Variants in LMTK2 observed in about 807,000 individuals in gnomAD.
LMTK2 encodes the protein lemur tail kinase 2, also known as serine/threonine-protein kinase LMTK2.
In LMTK2, 37 loss-of-function variants were observed where a neutral mutation model predicts 127.5. The observed-to-expected ratio is 0.29, with a 90% CI of 0.22 to 0.38. The LOEUF is 0.38. Among genes scored for constraint, LMTK2 ranks in the 10% least tolerant of loss-of-function variants. LMTK2 has a pLI of 1.00. For synonymous variants in LMTK2, 819 were observed against 810.1 expected (o/e 1.01, Z -0.19); for missense variants, 1,694 against 1,920.3 (o/e 0.88, Z 2.20).
At position 98,197,929 on chromosome 7, in the gene LMTK2, G is replaced by A. The variant is rs563576816; in HGVS notation, c.4107+3357G>A. On this transcript the variant is annotated intron_variant, in intron 11 of 13. Coordinates refer to ENST00000297293, the MANE Select transcript of LMTK2 (RefSeq NM_014916.4). ...TTGGTTTGGGTTTTGTTTGTTTGCTGGCACTGTCTTTGGTTTTGTTATCAG... is the reference window on the plus strand; with the variant it reads ...TTGGTTTGGGTTTTGTTTGTTTGCTAGCACTGTCTTTGGTTTTGTTATCAG... 2.0e-5 allele frequency among the ~76,000 whole-genome samples: 3 copies of A among 152,280 alleles called. No individual in the cohort carries two copies. The East Asian group carries it at 5.8e-4, about 29-fold the overall frequency.
chr7:98,160,053 C>T lies in LMTK2; in HGVS notation c.657+628C>T, dbSNP rs536920908. Among the ~76,000 whole-genome samples the T allele has an allele frequency of 2.0e-5, 3 of 152,280 alleles. No homozygotes were observed. In the South Asian group the frequency reaches 6.2e-4, roughly 32 times the overall value. On this transcript the variant is annotated intron_variant, in intron 6 of 13. Coordinates refer to ENST00000297293, the MANE Select transcript of LMTK2 (RefSeq NM_014916.4). ...ATTTCTATGTGAAATTTCCTCTAAACATCTTTTCCCGCATGCAGAATATTT... is the reference window on the plus strand; with the variant it reads ...ATTTCTATGTGAAATTTCCTCTAAATATCTTTTCCCGCATGCAGAATATTT...
chr7:98,148,503 AAAAAT>A (rs1375439389), intron 3 of LMTK2, among the ~76,000 whole-genome samples: 10 of 149,410 alleles, frequency 6.7e-5, no homozygotes, highest in African/African-American at 2.4e-4. Context: ...AAAAAAAAAA[AAAAAT>A]AATAATAATA....
At chr7:98,190,560 C>T (rs1035281111) in intron 9 of LMTK2, among the ~76,000 whole-genome samples, 168 bp from the exon 10 acceptor site, 11 of 152,026 alleles carry the variant, frequency 7.2e-5, no homozygotes, top group African/African-American at 2.7e-4. Context: ...CCAGCCTGGG[C>T]GACAGTGAGA....
At position 98,198,606 on chromosome 7, in the gene LMTK2, C is replaced by T. The variant is rs181278352; in HGVS notation, c.4107+4034C>T. Among the ~76,000 whole-genome samples the T allele has an allele frequency of 1.8e-4, 28 of 152,320 alleles. 1 individual carries two copies. Among genetic ancestry groups the T allele is most frequent in the Admixed American group, 1.6e-3 (24 of 15,302 alleles). On this transcript the variant is annotated intron_variant, in intron 11 of 13. Coordinates refer to ENST00000297293, the MANE Select transcript of LMTK2 (RefSeq NM_014916.4). ...CCAGGCTCAAGGGATTCTCCTGCCT[C>T]AGCCTCCTGAAGTAGCTGGGACCAC... is the stretch of plus-strand genomic sequence containing the variant.
At chr7:98,141,295 G>GA in intron 2 of LMTK2, 102 bp from the exon 3 acceptor site, 3 of 1,154,766 alleles carry the variant, frequency 2.6e-6, no homozygotes, top group Non-Finnish European at 2.5e-6. Flanking sequence ...GTACAAACTG[G>GA]AAAAAAATAA....
At chr7:98,187,804 C>T (rs920869009) in intron 9 of LMTK2, among the ~76,000 whole-genome samples, 4 of 152,024 alleles carry the variant, frequency 2.6e-5, no homozygotes, top group East Asian at 1.9e-4. Context: ...GGAGTTTTGC[C>T]ATGGCTGGTC....
At chr7:98,112,343 A>T (rs775907379) in intron 1 of LMTK2, among the ~76,000 whole-genome samples, 4 of 152,206 alleles carry the variant, frequency 2.6e-5, no homozygotes, top group Admixed American at 6.5e-5. Context: ...GGTTATAGGC[A>T]TGAGTCACTG....
At chr7:98,181,166 T>G (rs1797350901) in intron 7 of LMTK2, among the ~76,000 whole-genome samples, 2 of 152,222 alleles carry the variant, frequency 1.3e-5, no homozygotes, top group Non-Finnish European at 2.9e-5. Flanking sequence ...CTCTTCAACT[T>G]CTGTTTGCAA....
chr7:98,198,285 C>T (rs936662466), intron 11 of LMTK2, among the ~76,000 whole-genome samples: 3 of 151,626 alleles, frequency 2.0e-5, no homozygotes, highest in Non-Finnish European at 4.4e-5. Flanking sequence ...CCGCCTCCCG[C>T]GTTCAAGCAA....
intron 3 of LMTK2, among the ~76,000 whole-genome samples, chr7:98,150,715 T>C (rs998038414): frequency 1.3e-5 from 2 of 152,234 alleles, no homozygotes; most frequent in African/African-American, 4.8e-5. Flanking sequence ...CAGATCTTGA[T>C]TGAATTTTAA....
intron 3 of LMTK2, among the ~76,000 whole-genome samples, chr7:98,146,501 C>T (rs1291042510): frequency 2.0e-5 from 3 of 151,138 alleles, no homozygotes; most frequent in Non-Finnish European, 2.9e-5. Flanking sequence ...TTTTGATGTA[C>T]CATTTTGATT....
At chr7:98,140,865 T>C (rs570221006) in intron 2 of LMTK2, among the ~76,000 whole-genome samples, 1 of 147,864 alleles carries the variant, frequency 6.8e-6, no homozygotes, top group Admixed American at 6.8e-5. Flanking sequence ...CTGGGCAACA[T>C]AGGGAGACTC....
intron 9 of LMTK2, 110 bp from the exon 10 acceptor site, chr7:98,190,618 C>CT: frequency 1.0e-6 from 1 of 1,001,052 alleles, no homozygotes; most frequent in South Asian, 1.5e-5. Flanking sequence ...TATTAATAAT[C>CT]TTTTCAATAC....
intron 1 of LMTK2, among the ~76,000 whole-genome samples, chr7:98,120,901 T>A (rs1796351526): frequency 6.6e-6 from 1 of 152,184 alleles, no homozygotes; most frequent in Admixed American, 6.5e-5. Context: ...AGCAGTACAA[T>A]TCGGGAATCT....
intron 6 of LMTK2, among the ~76,000 whole-genome samples, chr7:98,169,720 TA>T (rs1797156651): frequency 6.6e-6 from 1 of 152,204 alleles, no homozygotes; most frequent in Non-Finnish European, 1.5e-5. Context: ...TGGGTGAATT[TA>T]ATTGTCTTCT....
Position 98,192,565 on chromosome 7 carries a change from C to T in LMTK2, c.2100C>T (p.Cys700=), listed in dbSNP as rs559542234. The T allele has an allele frequency of 1.4e-5, 22 of 1,613,216 alleles. No individual in the cohort carries two copies. The African/African-American group carries it at 1.5e-4, about 11-fold the overall frequency. ...PRKIFDSEPL[C]LSDNLMHQDN... is the part of the protein sequence containing the mutation. ...AGATTTTTGACAGTGAGCCTCTCTGCCTATCAGATAATCTTATGCACCAAG... is the reference window on the plus strand; with the variant it reads ...AGATTTTTGACAGTGAGCCTCTCTGTCTATCAGATAATCTTATGCACCAAG... The change falls in exon 11 of 14, where the codon TGC becomes TGT. Residue 700 remains cysteine, a synonymous_variant. Coordinates refer to ENST00000297293, the MANE Select transcript of LMTK2 (RefSeq NM_014916.4).
intron 13 of LMTK2, among the ~76,000 whole-genome samples, chr7:98,205,065 G>T (rs1797768963): frequency 6.6e-6 from 1 of 152,232 alleles, no homozygotes; most frequent in Admixed American, 6.5e-5. Flanking sequence ...TAGATTGAAA[G>T]ATAAAGGTTA....
chr7:98,115,224 G>T (rs780053062), intron 1 of LMTK2, among the ~76,000 whole-genome samples: 3 of 151,962 alleles, frequency 2.0e-5, no homozygotes, highest in African/African-American at 7.3e-5. Flanking sequence ...AGACCAGCCT[G>T]GACAACACGG....
intron 3 of LMTK2, among the ~76,000 whole-genome samples, chr7:98,143,673 T>A (rs1184633645): frequency 2.6e-5 from 4 of 152,196 alleles, no homozygotes; most frequent in Non-Finnish European, 5.9e-5. Context: ...CCACTAGGAT[T>A]AGTGCAGCTA....
Sources: gnomAD v4.1 joint callset for allele counts (sites outside exome capture counted in the v4.1 genomes callset) on GRCh38, gnomAD v4.1.1 for gene constraint, MANE v1.5 for transcripts, NCBI Gene and HGNC (gene_info 2026-07-23, HGNC 2026-07-21) for gene names.